Variants in WFS1 observed in about 807,000 individuals in gnomAD.
The protein encoded by WFS1 is wolframin ER transmembrane glycoprotein, also known as wolframin.
Under a neutral mutation model 68.5 loss-of-function variants are expected in WFS1, and 90 were observed. The observed-to-expected ratio is 1.31, with a 90% CI of 1.11 to 1.56. WFS1 has a LOEUF of 1.56. Ranked by LOEUF, WFS1 falls within the 40% of genes most tolerant of loss-of-function variation. The pLI is 0.00. For synonymous variants in WFS1, 860 were observed against 540.7 expected, an observed-to-expected ratio of 1.59 and a Z score of -8.19; for missense variants, 1,767 against 1,232.6, an observed-to-expected ratio of 1.43 and a Z score of -6.49.
chr4:6,294,988 T>C, intron 6 of WFS1, 53 bp from the exon 7 acceptor site: 1 of 1,612,060 alleles, frequency 6.2e-7, no homozygotes, highest in Non-Finnish European at 8.5e-7. Context: ...TGTGTGAGGG[T>C]GGCAGTGGGG....
At chr4:6,282,030 T>C (rs1730185681) in intron 2 of WFS1, among the ~76,000 whole-genome samples, 1 of 152,214 alleles carries the variant, frequency 6.6e-6, no homozygotes, top group Admixed American at 6.5e-5. Flanking sequence ...GTGCTCGTTC[T>C]TGCCTGGCCC....
chr4:6,299,661 G>A (rs1730782134), intron 7 of WFS1, among the ~76,000 whole-genome samples: 1 of 111,206 alleles, frequency 9.0e-6, no homozygotes, highest in African/African-American at 3.6e-5. Context: ...GAATGTGTGT[G>A]TAGGGGTGGG....
intron 2 of WFS1, among the ~76,000 whole-genome samples, chr4:6,280,787 G>T (rs1382955445): frequency 6.6e-6 from 1 of 152,132 alleles, no homozygotes; most frequent in African/African-American, 2.4e-5. Flanking sequence ...GCGGCCCTGA[G>T]CTCTCCTGCT....
chr4:6,289,559 C>G (rs910521287), intron 4 of WFS1, among the ~76,000 whole-genome samples: 6 of 152,214 alleles, frequency 3.9e-5, no homozygotes, highest in African/African-American at 1.4e-4. Flanking sequence ...TGGGCCCACA[C>G]AGACCTGGAC....
At chr4:6,294,832 GCTGGCACTTGGCAAACCTGCCCC>G in intron 6 of WFS1, 186 bp from the exon 7 acceptor site, 2 of 688,072 alleles carry the variant, frequency 2.9e-6, no homozygotes, top group Non-Finnish European at 4.9e-6. Context: ...AGGAGTGGAG[GCTGGCACTTGGCAAACCTGCCCC>G]CTTCCTCCTC....
chr4:6,300,565 TG>T, intron 7 of WFS1, 91 bp from the exon 8 acceptor site: 1 of 1,581,002 alleles, frequency 6.3e-7, no homozygotes, highest in Non-Finnish European at 8.6e-7. Flanking sequence ...GGGTTCCTTT[TG>T]CCCAGAGGCA....
intron 1 of WFS1, among the ~76,000 whole-genome samples, chr4:6,273,900 GT>G (rs201652752): frequency 6.6e-6 from 1 of 151,794 alleles, no homozygotes; most frequent in Admixed American, 6.6e-5. Context: ...ACTTTAAACA[GT>G]TTTTTTTTAA....
Position 6,291,318 on chromosome 4 carries a change from G to A in WFS1, c.582G>A (p.Gln194=). ...YWKLNPKKKK[Q]VAVAELLENV... ...AGCTCAACCCCAAGAAGAAGAAGCA[G>A]GTGGCCGTGGCGGAGCTGCTGGAGA... The change falls in exon 5 of 8, where the codon CAG becomes CAA. Residue 194 remains glutamine, a synonymous_variant. Transcript: ENST00000226760. 1 of 1,613,514 alleles carries A rather than the reference G, an allele frequency of 6.2e-7. No individual in the cohort carries two copies. Among genetic ancestry groups the A allele is most frequent in the Non-Finnish European group, 8.5e-7 (1 of 1,180,014 alleles).
intron 2 of WFS1, among the ~76,000 whole-genome samples, chr4:6,281,929 C>T (rs970810969): frequency 2.0e-5 from 3 of 152,192 alleles, no homozygotes; most frequent in Admixed American, 6.5e-5. Flanking sequence ...TCCTACTTTG[C>T]GCTCCAAGCC....
intron 7 of WFS1, 145 bp downstream of exon 7, chr4:6,295,334 G>A: frequency 1.0e-6 from 1 of 982,178 alleles, no homozygotes; most frequent in East Asian, 2.6e-5. Context: ...GTACCTTTGG[G>A]TCATCATCTA....
chr4:6,300,788 C>T lies in WFS1; in HGVS notation c.993C>T (p.Phe331=), dbSNP rs751171154. Residue 331 remains phenylalanine, a synonymous_variant, in exon 8 of 8, where the codon TTC becomes TTT. Coordinates refer to ENST00000226760, the MANE Select transcript of WFS1 (RefSeq NM_006005.3). ...THHINALIFF[F]IVSNLTIDFF... is the part of the protein sequence containing the mutation. ...ACATCAACGCGCTCATCTTCTTCTT[C>T]ATCGTCAGCAACCTCACCATCGACT... The T allele has an allele frequency of 2.5e-6, 4 of 1,614,036 alleles. No individual in the cohort carries two copies. The highest frequency in any genetic ancestry group is 1.3e-5 in the African/African-American group (1 of 75,032).
chr4:6,295,317 G>A (rs1005157331), intron 7 of WFS1, 128 bp downstream of exon 7: 3 of 1,136,206 alleles, frequency 2.6e-6, no homozygotes, highest in Admixed American at 1.9e-5. Flanking sequence ...TTACAGCCGT[G>A]CCGCTGGTAC....
intron 1 of WFS1, among the ~76,000 whole-genome samples, chr4:6,275,703 A>G (rs1729975087): frequency 1.3e-5 from 2 of 152,160 alleles, no homozygotes; most frequent in African/African-American, 4.8e-5. Flanking sequence ...TGAAATCTGC[A>G]GAGTTCTTGA....
At position 6,273,052 on chromosome 4, in the gene WFS1, A is replaced by C. The variant is rs187716126; in HGVS notation, c.-6+3038A>C. The stretch of plus-strand genomic sequence containing the variant: ...TGGCATCCTGGAGGCAGAGGCACTG[A>C]TCAGAGAGAGTGAACATCATCTTGG... On this transcript the variant is annotated intron_variant, in intron 1 of 7. Coordinates refer to ENST00000226760, the MANE Select transcript of WFS1 (RefSeq NM_006005.3). Among the ~76,000 whole-genome samples, 930 of 152,350 alleles carry C rather than the reference A, an allele frequency of 6.1e-3. 5 individuals are homozygous for C. The highest frequency in any genetic ancestry group is 0.014 in the South Asian group (70 of 4,828).
At chr4:6,278,396 T>C (rs1047879724) in intron 2 of WFS1, among the ~76,000 whole-genome samples, 7 of 152,198 alleles carry the variant, frequency 4.6e-5, no homozygotes, top group African/African-American at 1.2e-4. Flanking sequence ...GCCTTCACTT[T>C]TGCTAGAGAG....
In WFS1 at chr4:6,300,785, C is replaced by T. The variant is rs1450983905; in HGVS notation, c.990C>T (p.Phe330=). Residue 330 remains phenylalanine, a synonymous_variant, in exon 8 of 8, where the codon TTC becomes TTT. Transcript: ENST00000226760. ...PTHHINALIF[F]FIVSNLTIDF... is the part of the protein sequence containing the mutation. ...ACCACATCAACGCGCTCATCTTCTT[C>T]TTCATCGTCAGCAACCTCACCATCG... The T allele has an allele frequency of 3.1e-6, 5 of 1,613,912 alleles. No homozygotes were observed. The highest frequency in any genetic ancestry group is 1.3e-5 in the African/African-American group (1 of 74,900).
chr4:6,303,188 C>CCTGA lies in WFS1; in HGVS notation c.*724_*727dup, dbSNP rs71537674. The CCTGA allele has an allele frequency of 2.6e-4, 40 of 152,954 alleles. No homozygotes were observed. The highest frequency in any genetic ancestry group is 9.4e-4 in the African/African-American group (39 of 41,504). The allele number at this position is 152,954 out of a possible 1,614,324, so 9.5% of individuals were successfully genotyped here. ...AGGTCCCTGCCAGTGTTTAGAAGAG[C>CCTGA]CTGACTGTGTTCAGTGCCTTGGAGC... is the stretch of plus-strand genomic sequence containing the variant. On this transcript the variant is annotated 3_prime_UTR_variant, in exon 8 of 8. Coordinates refer to ENST00000226760, the MANE Select transcript of WFS1 (RefSeq NM_006005.3).
intron 4 of WFS1, among the ~76,000 whole-genome samples, chr4:6,290,031 C>A (rs933423016): frequency 6.6e-6 from 1 of 152,170 alleles, no homozygotes; most frequent in Non-Finnish European, 1.5e-5. Context: ...CTCCACCTCC[C>A]TGGTTCAAGC....
chr4:6,282,858 C>G (rs891066566), intron 2 of WFS1, among the ~76,000 whole-genome samples: 13 of 152,198 alleles, frequency 8.5e-5, no homozygotes, highest in African/African-American at 3.1e-4. Flanking sequence ...GTGCTGTGTC[C>G]TGGACTATGC....
Sources: allele counts gnomAD v4.1 joint callset (sites outside exome capture counted in the v4.1 genomes callset), GRCh38; gene constraint gnomAD v4.1.1; transcripts MANE v1.5; gene names NCBI Gene and HGNC (gene_info 2026-07-23, HGNC 2026-07-21).